The following TFDP1 variants were observed in gnomAD, a reference collection of about 807,000 sequenced individuals.
The protein encoded by TFDP1 is DRTF1-polypeptide 1.
In TFDP1, 6 loss-of-function variants were observed where a neutral mutation model predicts 48.0. The ratio of observed to expected loss-of-function variants is 0.13; its 90% CI spans 0.07 to 0.25. The LOEUF (loss-of-function observed/expected upper bound fraction) is 0.25. Among genes scored for constraint, TFDP1 ranks in the 10% least tolerant of loss-of-function variants. TFDP1 has a pLI of 1.00. For missense variants in TFDP1, 335 were observed against 543.0 expected, an observed-to-expected ratio of 0.62 and a Z score of 3.81; for synonymous variants, 201 against 211.6, an observed-to-expected ratio of 0.95 and a Z score of 0.44.
At chr13:113,631,059 G>T (rs1277643570) in intron 4 of TFDP1, among the ~76,000 whole-genome samples, 1 of 152,250 alleles carries the variant, frequency 6.6e-6, no homozygotes, top group East Asian at 1.9e-4. Flanking sequence ...GGGTTACCAG[G>T]TGATGGCTGT....
At chr13:113,585,520 C>G (rs2047979959) in intron 1 of TFDP1, 1 of 242,010 alleles carries the variant, frequency 4.1e-6, no homozygotes, top group East Asian at 8.3e-5. Flanking sequence ...CTGGGCGGGC[C>G]GTCGGGGACC....
At chr13:113,612,389 G>T (rs1363859350) in intron 3 of TFDP1, among the ~76,000 whole-genome samples, 1 of 152,226 alleles carries the variant, frequency 6.6e-6, no homozygotes, top group Non-Finnish European at 1.5e-5. Context: ...GCTGAAGCAG[G>T]TCCTTCCCTG....
At chr13:113,605,855 C>T (rs767396896) in intron 2 of TFDP1, among the ~76,000 whole-genome samples, 3 of 143,310 alleles carry the variant, frequency 2.1e-5, no homozygotes, top group Non-Finnish European at 1.5e-5. Flanking sequence ...GGTGAGTGTC[C>T]GCAGGGGATC....
At chr13:113,589,145 G>T (rs1041478434) in intron 2 of TFDP1, among the ~76,000 whole-genome samples, 40 of 152,268 alleles carry the variant, frequency 2.6e-4, no homozygotes, top group African/African-American at 9.2e-4. Flanking sequence ...CTGGAGAAAT[G>T]GTGAGAAGGA....
intron 3 of TFDP1, among the ~76,000 whole-genome samples, chr13:113,618,970 T>C (rs2048928983): frequency 6.6e-6 from 1 of 151,986 alleles, no homozygotes; most frequent in Non-Finnish European, 1.5e-5. Context: ...GTATGAAAAA[T>C]AAAGTGAGTA....
chr13:113,609,231 G>T (rs928355927), intron 2 of TFDP1, among the ~76,000 whole-genome samples: 2 of 152,198 alleles, frequency 1.3e-5, no homozygotes, highest in African/African-American at 2.4e-5. Context: ...CCTGGGGGTG[G>T]TGGAGCCTTG....
Position 113,585,877 on chromosome 13 carries a change from C to G in TFDP1, c.12+28C>G, listed in dbSNP as rs190003987. The G allele has an allele frequency of 3.1e-6, 5 of 1,596,122 alleles. No individual in the cohort carries two copies. The Admixed American group carries it at 6.7e-5, about 21-fold the overall frequency. On this transcript the variant is annotated intron_variant, in intron 2 of 11. Transcript: ENST00000375370. ...AAGTATGTTTGCTTCATGCTGCACACGAATGTTTGCCTCGCACTAAATTCT... is the reference window on the plus strand; with the variant it reads ...AAGTATGTTTGCTTCATGCTGCACAGGAATGTTTGCCTCGCACTAAATTCT...
intron 10 of TFDP1, 123 bp from the exon 11 acceptor site, chr13:113,637,695 A>T: frequency 1.3e-6 from 2 of 1,570,654 alleles, no homozygotes; most frequent in Non-Finnish European, 1.7e-6. Context: ...GGACAAGCGA[A>T]GGATATCCGG....
intron 4 of TFDP1, among the ~76,000 whole-genome samples, chr13:113,628,456 G>A (rs2049248242): frequency 1.3e-5 from 2 of 152,240 alleles, no homozygotes; most frequent in South Asian, 4.1e-4. Flanking sequence ...GCGGGTGAGG[G>A]AGTCGTGAGG....
rs569488472 is a variant in TFDP1, at chr13:113,598,203, C to G, written c.12+12354C>G. Among the ~76,000 whole-genome samples, 1 of 152,166 alleles carries G rather than the reference C, an allele frequency of 6.6e-6. No individual in the cohort carries two copies. The stretch of plus-strand genomic sequence containing the variant: ...AACCGTGCCTGCCAGGTTCATACCA[C>G]ACAACCCGGTGCAGCCCACCCCAAA... On this transcript the variant is annotated intron_variant, in intron 2 of 11. Coordinates refer to ENST00000375370, the MANE Select transcript of TFDP1 (RefSeq NM_007111.5). The surrounding 1 kb of genome is among the most constrained non-coding windows in gnomAD (Gnocchi z 4.2).
At chr13:113,605,107 T>C (rs1332564945) in intron 2 of TFDP1, among the ~76,000 whole-genome samples, 4 of 151,966 alleles carry the variant, frequency 2.6e-5, no homozygotes, top group Admixed American at 2.6e-4. Context: ...GGGACGATGC[T>C]GCACTTAGTT....
intron 2 of TFDP1, among the ~76,000 whole-genome samples, chr13:113,603,345 G>T (rs1296166299): frequency 6.6e-6 from 1 of 152,234 alleles, no homozygotes; most frequent in East Asian, 1.9e-4. Context: ...GGTGCTGGCT[G>T]GCAAAGAGGG....
intron 9 of TFDP1, 58 bp from the exon 10 acceptor site, chr13:113,636,476 A>T (rs112162531): frequency 3.2e-5 from 51 of 1,585,634 alleles, no homozygotes; most frequent in African/African-American, 2.4e-4. Context: ...GCTCCACCCC[A>T]GTGTGTACCG....
At position 113,614,055 on chromosome 13, in the gene TFDP1, TGTTGTGTGCATGA is replaced by T. The variant is rs778105313; in HGVS notation, c.79+3008_79+3020del. Among the ~76,000 whole-genome samples, 927 of 151,328 alleles carry T rather than the reference TGTTGTGTGCATGA, an allele frequency of 6.1e-3. 8 individuals carry two copies. Among genetic ancestry groups the T allele is most frequent in the Non-Finnish European group, 0.011 (721 of 67,840 alleles). On this transcript the variant is annotated intron_variant, in intron 3 of 11. Transcript: ENST00000375370. Reference sequence around the variant, plus strand: ...GTTTGTGAGTTGTGTGTGAGATGTGTGTTGTGTGCATGAGTTGTGTGCATGAGATGTATGTGAG... The same window carrying T: ...GTTTGTGAGTTGTGTGTGAGATGTGTGTTGTGTGCATGAGATGTATGTGAG...
rs1435953733 is a variant in TFDP1, at chr13:113,627,402, A to T, written c.186+4116A>T. ...CCTGGGGAGAAGCAGCCCCCCACCC[A>T]GGCCTGTGTCCCAGAAGTCGGCATC... On this transcript the variant is annotated intron_variant, in intron 4 of 11. Transcript: ENST00000375370. This position sits in a 1 kb window ranked among gnomAD's most constrained non-coding sequence, Gnocchi z 4.1. Among the ~76,000 whole-genome samples, 4 of 152,180 alleles carry T rather than the reference A, an allele frequency of 2.6e-5. No homozygotes were observed. Among genetic ancestry groups the T allele is most frequent in the Non-Finnish European group, 1.5e-5 (1 of 68,030 alleles).
At chr13:113,599,710 G>A (rs948264577) in intron 2 of TFDP1, among the ~76,000 whole-genome samples, 5 of 152,224 alleles carry the variant, frequency 3.3e-5, no homozygotes, top group African/African-American at 1.2e-4. Context: ...AGTAGGTGCA[G>A]CCTGGAAGCT....
At position 113,594,971 on chromosome 13, in the gene TFDP1, G is replaced by T. The variant is rs189986205; in HGVS notation, c.12+9122G>T. Among the ~76,000 whole-genome samples the T allele has an allele frequency of 2.7e-4, 41 of 152,302 alleles. No individual in the cohort carries two copies. In the East Asian group the frequency reaches 7.7e-3, roughly 29 times the overall value. ...ATGCCTGTTGGATTTCTATTTAGCCGTGTGTAATAAAGGCAGCTTTTCCAA... is the reference window on the plus strand; with the variant it reads ...ATGCCTGTTGGATTTCTATTTAGCCTTGTGTAATAAAGGCAGCTTTTCCAA... On this transcript the variant is annotated intron_variant, in intron 2 of 11. Coordinates refer to ENST00000375370, the MANE Select transcript of TFDP1 (RefSeq NM_007111.5).
At chr13:113,589,933 A>G (rs2048099533) in intron 2 of TFDP1, among the ~76,000 whole-genome samples, 2 of 151,818 alleles carry the variant, frequency 1.3e-5, no homozygotes, top group Non-Finnish European at 2.9e-5. Flanking sequence ...GTCGTCACAC[A>G]CGATTGTCCA....
chr13:113,593,821 G>T (rs533496029), intron 2 of TFDP1, among the ~76,000 whole-genome samples: 1 of 143,636 alleles, frequency 7.0e-6, no homozygotes, highest in African/African-American at 2.6e-5. Context: ...GGTGTCAGGC[G>T]TGATGCGTGT....
Sources: allele counts gnomAD v4.1 joint callset (sites outside exome capture counted in the v4.1 genomes callset), GRCh38; gene constraint gnomAD v4.1.1; non-coding constraint Gnocchi (gnomAD v3.1); transcripts MANE v1.5; gene names NCBI Gene and HGNC (gene_info 2026-07-23, HGNC 2026-07-21).